ZFAT: variants seen among roughly 807,000 people sequenced by gnomAD.
The protein encoded by ZFAT is zinc finger protein ZFAT.
ZFAT carries 64 observed loss-of-function variants against 117.7 expected under a neutral mutation model. The observed-to-expected ratio is 0.54, with a 90% confidence interval of 0.44 to 0.67. ZFAT has a LOEUF of 0.67. Among genes scored for constraint, ZFAT ranks in the 30% least tolerant of loss-of-function variants. The pLI, the probability that ZFAT is intolerant of heterozygous loss-of-function variation, is 0.00. For synonymous variants in ZFAT, 679 were observed against 615.0 expected, an observed-to-expected ratio of 1.10 and a Z score of -1.54; for missense variants, 1,433 against 1,584.5, an observed-to-expected ratio of 0.90 and a Z score of 1.62.
chr8:134,500,340 A>G (rs544495146), intron 15 of ZFAT, among the ~76,000 whole-genome samples: 2 of 152,354 alleles, frequency 1.3e-5, no homozygotes, highest in South Asian at 4.1e-4. Flanking sequence ...TTCTTGGGGC[A>G]TAATAACAGA....
rs758050176 is a variant in ZFAT, at chr8:134,638,549, C to CAAAAAAAAAAAA, written c.197-838_197-837insTTTTTTTTTTTT. On this transcript the variant is annotated intron_variant, in intron 2 of 15. Transcript: ENST00000377838. The stretch of plus-strand genomic sequence containing the variant: ...TGAAACTCTGTCTCTACTAAAAATA[C>CAAAAAAAAAAAA]AAAAAAAAAACAAAACAAAAAAAAA... Among the ~76,000 whole-genome samples the CAAAAAAAAAAAA allele has an allele frequency of 2.6e-3, 262 of 100,966 alleles. 11 individuals carry two copies. Among genetic ancestry groups the CAAAAAAAAAAAA allele is most frequent in the Non-Finnish European group, 3.4e-3 (159 of 47,208 alleles). The allele number at this position is 100,966 out of a possible 152,430, so 66.2% of individuals were successfully genotyped here.
At chr8:134,632,095 G>C (rs999523199) in intron 3 of ZFAT, among the ~76,000 whole-genome samples, 8 of 152,078 alleles carry the variant, frequency 5.3e-5, no homozygotes, top group Non-Finnish European at 7.4e-5. Flanking sequence ...ACTGCAAGGG[G>C]AAACTTATAC....
At chr8:134,621,017 A>AT (rs905091496) in intron 3 of ZFAT, among the ~76,000 whole-genome samples, 1 of 152,052 alleles carries the variant, frequency 6.6e-6, no homozygotes. Flanking sequence ...CTAAGGTAGT[A>AT]TTTTGTTTTC....
Position 134,602,194 on chromosome 8 carries a change from G to C in ZFAT, c.1525C>G (p.Gln509Glu). 6.2e-7 allele frequency: 1 copy of C among 1,613,490 alleles called. No individual in the cohort carries two copies. The highest frequency in any genetic ancestry group is 1.3e-5 in the African/African-American group (1 of 75,068). Reference protein sequence around the residue: ...CLLEPGGDIQQEALGDQLQLV... With the variant: ...CLLEPGGDIQEEALGDQLQLV... ...TGTAGCTGGTCCCCCAGAGCTTCTT[G>C]CTGGATGTCCCCACCAGGTTCCAGG... The change falls in exon 6 of 16, where the codon CAA becomes GAA. Residue 509 changes from glutamine to glutamate, a missense_variant. Physicochemically the swap from Gln to Glu is conservative, Grantham distance 29. Around this residue, in one of 5 missense-constraint regions of ZFAT, gnomAD observed 372 missense variants for 355.6 expected, o/e 1.05. Transcript: ENST00000377838.
intron 11 of ZFAT, among the ~76,000 whole-genome samples, chr8:134,559,861 A>G (rs1162290857): frequency 2.6e-5 from 4 of 152,144 alleles, no homozygotes; most frequent in Non-Finnish European, 5.9e-5. Flanking sequence ...CTATTTTTCA[A>G]CTGGGTTACT....
the ZFAT span, among the ~76,000 whole-genome samples, chr8:134,772,250 T>C: frequency 5.0e-3 from 759 of 152,312 alleles, 4 homozygotes; most frequent in Non-Finnish European, 7.1e-3. Flanking sequence ...GAGAAAGACA[T>C]ATTGAAAGCT....
chr8:134,691,937 A>C (rs1322882041), intron 1 of ZFAT, among the ~76,000 whole-genome samples: 2 of 152,248 alleles, frequency 1.3e-5, no homozygotes, highest in Non-Finnish European at 2.9e-5. Context: ...AATCTGAACT[A>C]ACTGAACCCT....
chr8:134,575,338 A>C (rs562675326), intron 10 of ZFAT, among the ~76,000 whole-genome samples: 2 of 152,348 alleles, frequency 1.3e-5, no homozygotes, highest in East Asian at 1.9e-4. Context: ...TTATAAAAGG[A>C]AGGCAGGAGG....
chr8:134,512,364 G>C, intron 14 of ZFAT, 111 bp downstream of exon 14: 1 of 1,481,458 alleles, frequency 6.8e-7, no homozygotes, highest in Non-Finnish European at 9.1e-7. Context: ...CGCTGGGTCA[G>C]GGATTCGGAA....
intron 1 of ZFAT, among the ~76,000 whole-genome samples, chr8:134,658,142 C>A (rs891364479): frequency 3.9e-5 from 6 of 152,138 alleles, no homozygotes; most frequent in Non-Finnish European, 5.9e-5. Flanking sequence ...TCGAGACCAT[C>A]CTGGCTAACA....
intron 15 of ZFAT, among the ~76,000 whole-genome samples, chr8:134,487,165 T>G (rs917075161): frequency 1.3e-5 from 2 of 152,206 alleles, no homozygotes; most frequent in African/African-American, 4.8e-5. Context: ...TTTGTGTCCA[T>G]TGCTACACTT....
In ZFAT at chr8:134,712,623, CT is replaced by C. The variant is rs71274891; in HGVS notation, c.19+221del. 3.4e-4 allele frequency among the ~76,000 whole-genome samples: 47 copies of C among 138,324 alleles called. 1 individual carries two copies. Among genetic ancestry groups the C allele is most frequent in the East Asian group, 1.3e-3 (6 of 4,670 alleles). 90.7% of individuals were successfully genotyped at this position (138,324 alleles called of 152,430 possible). Reference sequence around the variant, plus strand: ...TGCTCTCCCACTCGCTCCCGCCTTGCTTTTTTTTTTTTTTTGCGGCGGGATA... The same window carrying C: ...TGCTCTCCCACTCGCTCCCGCCTTGCTTTTTTTTTTTTTTGCGGCGGGATA... On this transcript the variant is annotated intron_variant, in intron 1 of 15. Transcript: ENST00000377838.
At chr8:134,622,910 C>T (rs1251655128) in intron 3 of ZFAT, among the ~76,000 whole-genome samples, 2 of 152,138 alleles carry the variant, frequency 1.3e-5, no homozygotes, top group Non-Finnish European at 2.9e-5. Flanking sequence ...CCTGCTTTTC[C>T]CAGCTGCCCT....
At chr8:134,502,103 T>C (rs577092495) in intron 15 of ZFAT, among the ~76,000 whole-genome samples, 14 of 152,238 alleles carry the variant, frequency 9.2e-5, no homozygotes, top group East Asian at 3.8e-4. Flanking sequence ...TGAAGCCTCA[T>C]AGAGTCACTT....
chr8:134,554,536 T>TGGGGGCA (rs1563842213), intron 11 of ZFAT, among the ~76,000 whole-genome samples: 8 of 151,748 alleles, frequency 5.3e-5, no homozygotes, highest in Non-Finnish European at 1.2e-4. Context: ...GGTTGGGGGC[T>TGGGGGCA]GAAGCTGGCG....
At chr8:134,615,728 TTC>T (rs1828679961) in intron 3 of ZFAT, among the ~76,000 whole-genome samples, 3 of 152,336 alleles carry the variant, frequency 2.0e-5, no homozygotes, top group Non-Finnish European at 2.9e-5. Flanking sequence ...CCTTCATCAA[TTC>T]TCTGTGGCCT....
the ZFAT span, among the ~76,000 whole-genome samples, chr8:134,739,595 A>G: frequency 6.6e-6 from 1 of 151,978 alleles, no homozygotes; most frequent in Admixed American, 6.6e-5. Context: ...AAAATACCAC[A>G]CTCTACAATG....
At chr8:134,750,565 A>G in the ZFAT span, among the ~76,000 whole-genome samples, 1 of 152,210 alleles carries the variant, frequency 6.6e-6, no homozygotes, top group Non-Finnish European at 1.5e-5. Context: ...TTAAATGGCA[A>G]ATAAAAAACT....
the ZFAT span, among the ~76,000 whole-genome samples, chr8:134,780,756 T>C: frequency 2.0e-5 from 3 of 152,332 alleles, no homozygotes; most frequent in South Asian, 6.2e-4. Context: ...GCTCAATAAA[T>C]GCTGAATTGA....
Sources: gnomAD v4.1 joint callset for allele counts (sites outside exome capture counted in the v4.1 genomes callset) on GRCh38, gnomAD v4.1.1 for gene constraint, gnomAD v4.1.1 regional missense constraint, MANE v1.5 for transcripts, NCBI Gene and HGNC (gene_info 2026-07-23, HGNC 2026-07-21) for gene names.